PCDHA6: variants seen among roughly 807,000 people sequenced by gnomAD.
The protein encoded by PCDHA6 is protocadherin alpha 6.
A neutral mutation model predicts 60.3 loss-of-function variants in PCDHA6; 55 were observed. The ratio of observed to expected loss-of-function variants is 0.91; its 90% CI spans 0.73 to 1.14. PCDHA6 has a LOEUF of 1.14. Ranked by LOEUF, PCDHA6 falls within the 50% of genes most tolerant of loss-of-function variation. PCDHA6 has a pLI of 0.00. For missense variants in PCDHA6, 1,327 were observed against 1,256.5 expected (o/e 1.06, Z -0.85); for synonymous variants, 652 against 557.9 (o/e 1.17, Z -2.38).
At chr5:140,841,171 GGTCAATGTT>G (rs1175788362) in intron 1 of PCDHA6, 24 of 993,568 alleles carry the variant, frequency 2.4e-5, no homozygotes, top group Non-Finnish European at 2.9e-5. Flanking sequence ...AGTTCTGGTT[GGTCAATGTT>G]CAAAGTCTTT....
At chr5:140,930,184 G>A (rs2153603505) in intron 1 of PCDHA6, 1 of 152,258 alleles carries the variant, frequency 6.6e-6, no homozygotes, top group South Asian at 2.1e-4. Context: ...GGAAAGATGA[G>A]TAATTTTTAT....
chr5:140,835,312 T>C (rs1231514628), intron 1 of PCDHA6: 1 of 1,613,246 alleles, frequency 6.2e-7, no homozygotes, highest in Non-Finnish European at 8.5e-7. Context: ...CATATGGATT[T>C]TGAAGAAAGT....
At chr5:140,967,869 C>A in intron 1 of PCDHA6, 1 of 1,614,160 alleles carries the variant, frequency 6.2e-7, no homozygotes, top group South Asian at 1.1e-5. Flanking sequence ...GTGGTGCTCA[C>A]GGACCTGTAT....
rs149764673 is a variant in PCDHA6 at position 140,835,585 on chromosome 5, T to A, written c.2394+5100T>A. 1.9e-6 allele frequency: 3 copies of A among 1,613,790 alleles called. No individual in the cohort carries two copies. The highest frequency in any genetic ancestry group is 1.3e-5 in the African/African-American group (1 of 74,926). On this transcript the variant is annotated intron_variant, in intron 1 of 3. Transcript: ENST00000529310. ...GTTCCCTTCAAGTTGGTGTCCACCT[T>A]CAAGAATTACTATTCATTGGTGCTG...
intron 1 of PCDHA6, chr5:140,859,810 TGC>T (rs2046025948): frequency 6.6e-6 from 1 of 152,488 alleles, no homozygotes. Context: ...GCTAAGTTAA[TGC>T]AGAGTTTAGA....
At chr5:140,847,308 C>T (rs1295740719) in intron 1 of PCDHA6, among the ~76,000 whole-genome samples, 2 of 149,754 alleles carry the variant, frequency 1.3e-5, no homozygotes, top group Admixed American at 6.7e-5. Context: ...CTGCAGTAAT[C>T]AAGGACAGAA....
intron 1 of PCDHA6, among the ~76,000 whole-genome samples, chr5:140,840,474 T>C (rs2150307234): frequency 6.6e-6 from 1 of 151,908 alleles, no homozygotes; most frequent in African/African-American, 2.4e-5. Flanking sequence ...GGGAAAAAAG[T>C]TTAAAGGCAT....
chr5:140,882,660 C>G lies in PCDHA6; in HGVS notation c.2394+52175C>G, dbSNP rs147326638. Reference sequence around the variant, plus strand: ...GTGAGGGACATTAACGACAACCCGCCCATATTCCCTGAAAGCAAGAAACGA... The same window carrying G: ...GTGAGGGACATTAACGACAACCCGCGCATATTCCCTGAAAGCAAGAAACGA... On this transcript the variant is annotated intron_variant, in intron 1 of 3. Coordinates refer to ENST00000529310, the MANE Select transcript of PCDHA6 (RefSeq NM_018909.4). 14 of 1,614,090 alleles carry G rather than the reference C, an allele frequency of 8.7e-6. No individual in the cohort carries two copies. Among genetic ancestry groups the G allele is most frequent in the African/African-American group, 1.3e-5 (1 of 74,928 alleles).
intron 1 of PCDHA6, chr5:140,966,362 A>C: frequency 2.5e-6 from 1 of 400,494 alleles, no homozygotes; most frequent in Non-Finnish European, 4.4e-6. Flanking sequence ...GGGGCTGGAG[A>C]GGCTGAGCAG....
intron 3 of PCDHA6, among the ~76,000 whole-genome samples, chr5:140,990,831 A>G (rs1004872074): frequency 6.6e-6 from 1 of 152,192 alleles, no homozygotes; most frequent in Non-Finnish European, 1.5e-5. Context: ...GCTAAAGCCT[A>G]TTAGCAAAAA....
chr5:140,959,107 C>A (rs1330357931), intron 1 of PCDHA6, among the ~76,000 whole-genome samples: 1 of 151,920 alleles, frequency 6.6e-6, no homozygotes, highest in South Asian at 2.1e-4. Context: ...CAGCAGGGGT[C>A]CGAAGGTGGG....
At chr5:140,966,505 A>T in intron 1 of PCDHA6, 1 of 427,984 alleles carries the variant, frequency 2.3e-6, no homozygotes, top group Non-Finnish European at 4.1e-6. Context: ...CTGTAGCGGC[A>T]GCAGCAGCAG....
intron 1 of PCDHA6, chr5:140,856,935 A>C: frequency 6.3e-7 from 1 of 1,594,236 alleles, no homozygotes; most frequent in South Asian, 1.1e-5. Flanking sequence ...TGGATAAACG[A>C]AAGGACGGGA....
intron 1 of PCDHA6, among the ~76,000 whole-genome samples, chr5:140,957,899 A>G (rs551066654): frequency 3.0e-4 from 46 of 152,226 alleles, no homozygotes; most frequent in African/African-American, 1.1e-3. Flanking sequence ...GCATCAACCA[A>G]GGCATATTGT....
chr5:140,844,325 T>G (rs2150370543), intron 1 of PCDHA6, among the ~76,000 whole-genome samples: 1 of 149,576 alleles, frequency 6.7e-6, no homozygotes, highest in African/African-American at 2.4e-5. Context: ...AATTTTATTA[T>G]AAACTAGTTA....
intron 1 of PCDHA6, among the ~76,000 whole-genome samples, chr5:140,873,284 T>C (rs1554166661): frequency 1.3e-5 from 2 of 152,208 alleles, no homozygotes; most frequent in Non-Finnish European, 2.9e-5. Context: ...ATACCACTTA[T>C]GAAACTTTAT....
In PCDHA6 at chr5:140,949,013, T is replaced by C. The variant is rs541040709; in HGVS notation, c.2395-29936T>C. Among the ~76,000 whole-genome samples, 141 of 151,862 alleles carry C rather than the reference T, an allele frequency of 9.3e-4. No homozygotes were observed. In the Middle Eastern group the frequency reaches 0.01, roughly 11 times the overall value. On this transcript the variant is annotated intron_variant, in intron 1 of 3. Transcript: ENST00000529310. ...GCATTTTACTAATTTTTATATGTGATGTTTTTATTTTTATTCATTTAAAAG... is the reference window on the plus strand; with the variant it reads ...GCATTTTACTAATTTTTATATGTGACGTTTTTATTTTTATTCATTTAAAAG...
intron 1 of PCDHA6, among the ~76,000 whole-genome samples, chr5:140,892,059 G>A (rs1165045634): frequency 6.6e-6 from 1 of 152,108 alleles, no homozygotes; most frequent in African/African-American, 2.4e-5. Context: ...CAAATTTATT[G>A]TTACTTTGTA....
In PCDHA6 at chr5:140,855,898, G is replaced by C; in HGVS notation, c.2394+25413G>C. On this transcript the variant is annotated intron_variant, in intron 1 of 3. Transcript: ENST00000529310. ...ATAGCTTTTTAGAACAAAGGCATCA[G>C]CCAGTTTCTCAAGGACTAGGAAGTA... is the stretch of plus-strand genomic sequence containing the variant. 1.9e-6 allele frequency: 2 copies of C among 1,070,112 alleles called. 1 individual carries two copies. The highest frequency in any genetic ancestry group is 2.7e-6 in the Non-Finnish European group (2 of 750,306). The allele number at this position is 1,070,112 out of a possible 1,614,324, so 66.3% of individuals were successfully genotyped here.
Sources: allele counts gnomAD v4.1 joint callset (sites outside exome capture counted in the v4.1 genomes callset), GRCh38; gene constraint gnomAD v4.1.1; transcripts MANE v1.5; gene names NCBI Gene and HGNC (gene_info 2026-07-23, HGNC 2026-07-21).